The following HDAC9 variants were observed in gnomAD, a reference collection of about 807,000 sequenced individuals.
HDAC9 encodes the protein MEF-2 interacting transcription repressor (MITR) protein.
In HDAC9, 41 loss-of-function variants were observed where a neutral mutation model predicts 139.4. The ratio of observed to expected loss-of-function variants is 0.29; its 90% confidence interval spans 0.23 to 0.38. The LOEUF is 0.38. Among genes scored for constraint, HDAC9 ranks in the 10% least tolerant of loss-of-function variants. The pLI is 1.00. For synonymous variants in HDAC9, 517 were observed against 476.2 expected (o/e 1.09, Z -1.12); for missense variants, 1,147 against 1,297.0 (o/e 0.88, Z 1.78).
At chr7:18,357,448 G>T (rs1783408400) in intron 1 of HDAC9, among the ~76,000 whole-genome samples, 1 of 151,924 alleles carries the variant, frequency 6.6e-6, no homozygotes, top group Non-Finnish European at 1.5e-5. Context: ...GGCCTTGTTT[G>T]GTTGTTTATT....
At chr7:18,701,398 A>T (rs954025461) in intron 12 of HDAC9, among the ~76,000 whole-genome samples, 14 of 111,848 alleles carry the variant, frequency 1.3e-4, no homozygotes, top group African/African-American at 3.6e-4. Context: ...CGTCTGATTT[A>T]AAAAAAAACA....
intron 21 of HDAC9, among the ~76,000 whole-genome samples, chr7:18,836,774 T>C (rs1453811498): frequency 6.6e-6 from 1 of 152,094 alleles, no homozygotes; most frequent in Non-Finnish European, 1.5e-5. Flanking sequence ...TGAGTCTAGT[T>C]AATTCAACCT....
chr7:18,208,399 G>A lies in HDAC9; in HGVS notation c.25+46050G>A, dbSNP rs563664627. On this transcript the variant is annotated intron_variant, in intron 2 of 12. Transcript: ENST00000417496. ...TTTTTTTTTTTTTTTTTGAGACAGG[G>A]TCTCTCTTTGTCATCCAGGCTGGAG... Among the ~76,000 whole-genome samples, 9 of 145,094 alleles carry A rather than the reference G, an allele frequency of 6.2e-5. No individual in the cohort carries two copies. The South Asian group carries it at 1.9e-3, about 31-fold the overall frequency.
At chr7:18,932,843 G>GAAAAAAA (rs1804877053) in intron 22 of HDAC9, among the ~76,000 whole-genome samples, 1 of 39,224 alleles carries the variant, frequency 2.5e-5, no homozygotes, top group East Asian at 5.5e-4. Flanking sequence ...AAGGAAGGAA[G>GAAAAAAA]GAAAAAAAGA....
chr7:18,422,706 C>T (rs1789736238), intron 1 of HDAC9, among the ~76,000 whole-genome samples: 1 of 151,028 alleles, frequency 6.6e-6, no homozygotes, highest in Non-Finnish European at 1.5e-5. Context: ...CAGCAGGTCA[C>T]AGGCCAACCT....
intron 12 of HDAC9, among the ~76,000 whole-genome samples, chr7:18,686,327 A>C (rs1782267302): frequency 6.6e-6 from 1 of 152,048 alleles, no homozygotes; most frequent in African/African-American, 2.4e-5. Flanking sequence ...AAGCAAAGGC[A>C]AAGATGGAAT....
In HDAC9 at chr7:18,901,296, T is replaced by C. The variant is rs373891307; in HGVS notation, c.2803+26700T>C. ...TATATAAAATTGTATGAATAATATA[T>C]TTTGTTCCTGTGATTCTTTGACTCT... On this transcript the variant is annotated intron_variant, in intron 22 of 25. Coordinates refer to ENST00000686413, the MANE Select transcript of HDAC9 (RefSeq NM_178425.4). Among the ~76,000 whole-genome samples, 33 of 150,576 alleles carry C rather than the reference T, an allele frequency of 2.2e-4. 1 individual carries two copies. The East Asian group carries it at 5.4e-3, about 25-fold the overall frequency.
intron 13 of HDAC9, among the ~76,000 whole-genome samples, chr7:18,742,970 C>T (rs536839972): frequency 1.2e-4 from 18 of 152,260 alleles, no homozygotes; most frequent in Middle Eastern, 3.4e-3. Flanking sequence ...GAGAACAAAA[C>T]ATTTTCTAAA....
intron 1 of HDAC9, among the ~76,000 whole-genome samples, chr7:18,305,455 G>T (rs1798844654): frequency 6.6e-6 from 1 of 152,142 alleles, no homozygotes; most frequent in African/African-American, 2.4e-5. Context: ...ACATGTTCTG[G>T]AATAGTTTGC....
intron 1 of HDAC9, among the ~76,000 whole-genome samples, chr7:18,371,614 A>G (rs1585430708): frequency 6.6e-6 from 1 of 152,200 alleles, no homozygotes; most frequent in East Asian, 1.9e-4. Context: ...TACTATACAG[A>G]CACAATAGCA....
intron 1 of HDAC9, among the ~76,000 whole-genome samples, chr7:18,481,803 A>T (rs1053350727): frequency 1.3e-5 from 2 of 152,218 alleles, no homozygotes; most frequent in African/African-American, 4.8e-5. Flanking sequence ...TATGGAGCTA[A>T]GTCCAGGCTA....
At position 18,769,702 on chromosome 7, in the gene HDAC9, C is replaced by A. The variant is rs554877326; in HGVS notation, c.2214+2547C>A. Reference sequence around the variant, plus strand: ...CAGATTTTTGGTTTTGGTACAAGCCCTAGGAGAAACCCTGGATCCTCTTGA... The same window carrying A: ...CAGATTTTTGGTTTTGGTACAAGCCATAGGAGAAACCCTGGATCCTCTTGA... On this transcript the variant is annotated intron_variant, in intron 16 of 25. Coordinates refer to ENST00000686413, the MANE Select transcript of HDAC9 (RefSeq NM_178425.4). 4.6e-5 allele frequency among the ~76,000 whole-genome samples: 7 copies of A among 152,168 alleles called. No individual in the cohort carries two copies. The South Asian group carries it at 1.5e-3, about 32-fold the overall frequency.
At chr7:18,749,679 A>G (rs1322962455) in intron 14 of HDAC9, among the ~76,000 whole-genome samples, 3 of 152,210 alleles carry the variant, frequency 2.0e-5, no homozygotes, top group Non-Finnish European at 4.4e-5. Flanking sequence ...CGCTTGGTGA[A>G]TACCATTTTT....
chr7:18,434,467 A>G lies in HDAC9; in HGVS notation c.-41-61795A>G, dbSNP rs564274216. On this transcript the variant is annotated intron_variant, in intron 1 of 3. Coordinates refer to the HDAC9 transcript ENST00000413509. ...GACAGTATCGACAGAATAAACAGAC[A>G]TGGGAGAAAATATTTGCAAACTATG... 5.3e-5 allele frequency among the ~76,000 whole-genome samples: 8 copies of G among 152,156 alleles called. 1 individual carries two copies. The highest frequency in any genetic ancestry group is 1.2e-4 in the African/African-American group (5 of 41,558).
chr7:18,356,766 C>T (rs997973494), intron 1 of HDAC9, among the ~76,000 whole-genome samples: 2 of 151,734 alleles, frequency 1.3e-5, no homozygotes, highest in African/African-American at 2.4e-5. Flanking sequence ...TTCTTCAGAT[C>T]GCATCGGAAG....
chr7:18,649,598 C>T (rs1316323669), intron 11 of HDAC9, among the ~76,000 whole-genome samples: 1 of 152,148 alleles, frequency 6.6e-6, no homozygotes, highest in Non-Finnish European at 1.5e-5. Flanking sequence ...TTAGTAATAA[C>T]TTTGTTGTAC....
chr7:18,647,898 T>A lies in HDAC9; in HGVS notation c.1149T>A (p.His383Gln). The change falls in exon 10 of 26, where the codon CAT (histidine) becomes CAA (glutamine). Residue 383 changes from histidine to glutamine, a missense_variant. Physicochemically the swap from His to Gln is conservative, Grantham distance 24. This residue lies in a region of HDAC9 where 264 missense variants were observed against 273.8 expected (regional missense o/e 0.96). Transcript: ENST00000686413. ...GSIPASSSHP[H>Q]VTLEGKPPNS... ...TCCCGGCATCTTCCAGCCACCCTCATGTTACTTTAGAGGGAAAGCCACCCA... is the reference window on the plus strand; with the variant it reads ...TCCCGGCATCTTCCAGCCACCCTCAAGTTACTTTAGAGGGAAAGCCACCCA... The A allele has an allele frequency of 5.0e-6, 8 of 1,612,956 alleles. No individual in the cohort carries two copies. The highest frequency in any genetic ancestry group is 6.8e-6 in the Non-Finnish European group (8 of 1,179,480).
At chr7:18,402,773 G>C (rs903055956) in intron 1 of HDAC9, among the ~76,000 whole-genome samples, 1 of 152,128 alleles carries the variant, frequency 6.6e-6, no homozygotes, top group Non-Finnish European at 1.5e-5. Flanking sequence ...ATGAAAGGTT[G>C]CTTTCAGGCA....
chr7:18,955,873 G>C (rs988937711), intron 24 of HDAC9, among the ~76,000 whole-genome samples: 70 of 152,102 alleles, frequency 4.6e-4, no homozygotes, highest in African/African-American at 1.5e-3. Context: ...GAGTGAAAAT[G>C]CTTTGAAAGG....
Sources: gnomAD v4.1 joint callset for allele counts (sites outside exome capture counted in the v4.1 genomes callset) on GRCh38, gnomAD v4.1.1 for gene constraint, gnomAD v4.1.1 regional missense constraint, MANE v1.5 for transcripts, NCBI Gene and HGNC (gene_info 2026-07-23, HGNC 2026-07-21) for gene names.